The following ZNF385D variants were observed in gnomAD, a reference collection of about 807,000 sequenced individuals.
ZNF385D encodes zinc finger protein 659.
ZNF385D carries 15 observed loss-of-function variants against 35.8 expected under a neutral mutation model. That is an observed-to-expected ratio of 0.42 (90% CI 0.28 to 0.64). The LOEUF (loss-of-function observed/expected upper bound fraction) is 0.64, where lower values mean the gene tolerates loss of function less well. ZNF385D is among the 30% of genes least tolerant of loss of function. The pLI is 0.23. For missense variants in ZNF385D, 474 were observed against 494.6 expected, an observed-to-expected ratio of 0.96 and a Z score of 0.39; for synonymous variants, 212 against 186.8, an observed-to-expected ratio of 1.13 and a Z score of -1.10.
At chr3:21,476,219 C>T (rs1575006634) in intron 4 of ZNF385D, among the ~76,000 whole-genome samples, 1 of 152,096 alleles carries the variant, frequency 6.6e-6, no homozygotes, top group South Asian at 2.1e-4. Flanking sequence ...ATTAAATCCA[C>T]TTTATTGGTG....
chr3:21,955,075 T>C (rs549867230), intron 3 of ZNF385D, among the ~76,000 whole-genome samples: 2 of 152,308 alleles, frequency 1.3e-5, no homozygotes, highest in South Asian at 4.1e-4. Flanking sequence ...CAGATGTTTT[T>C]GTGTTTACTA....
chr3:21,483,272 A>G (rs1704771296), intron 4 of ZNF385D, among the ~76,000 whole-genome samples: 1 of 152,162 alleles, frequency 6.6e-6, no homozygotes, highest in Admixed American at 6.6e-5. Flanking sequence ...TTGTTCACTC[A>G]CCATAATGTC....
intron 3 of ZNF385D, among the ~76,000 whole-genome samples, chr3:22,168,066 T>A (rs1221000942): frequency 1.3e-5 from 2 of 152,208 alleles, no homozygotes; most frequent in African/African-American, 4.8e-5. Flanking sequence ...TTCATTCACA[T>A]TTTTAAATGT....
chr3:22,355,744 A>T (rs1012825916), intron 2 of ZNF385D, among the ~76,000 whole-genome samples: 2 of 152,056 alleles, frequency 1.3e-5, no homozygotes, highest in Admixed American at 6.6e-5. Context: ...TAAATCATCT[A>T]TAGAGTATAA....
intron 3 of ZNF385D, among the ~76,000 whole-genome samples, chr3:22,046,480 T>C (rs1291225056): frequency 1.3e-5 from 2 of 152,150 alleles, no homozygotes; most frequent in African/African-American, 4.8e-5. Flanking sequence ...GACCAAAAAA[T>C]CTACTAGACA....
At chr3:22,125,565 G>T (rs1394252555) in intron 3 of ZNF385D, among the ~76,000 whole-genome samples, 1 of 151,934 alleles carries the variant, frequency 6.6e-6, no homozygotes, top group Non-Finnish European at 1.5e-5. Context: ...CATAAACATA[G>T]ATTATCTTTC....
At chr3:22,107,286 G>C (rs1373294829) in intron 3 of ZNF385D, among the ~76,000 whole-genome samples, 1 of 151,894 alleles carries the variant, frequency 6.6e-6, no homozygotes, top group African/African-American at 2.4e-5. Context: ...GCCTCCCAAA[G>C]TGCTGGGATT....
intron 1 of ZNF385D, among the ~76,000 whole-genome samples, chr3:21,710,071 C>T (rs899336229): frequency 1.3e-5 from 2 of 152,140 alleles, no homozygotes; most frequent in African/African-American, 2.4e-5. Context: ...GCTTCAATTA[C>T]ACGACCTTTT....
Position 22,123,585 on chromosome 3 carries a change from C to G in ZNF385D, c.325+45232G>C, listed in dbSNP as rs181046276. Among the ~76,000 whole-genome samples the G allele has an allele frequency of 7.2e-3, 1,100 of 152,196 alleles. 11 individuals are homozygous for G. The highest frequency in any genetic ancestry group is 0.025 in the African/African-American group (1,057 of 41,540). On this transcript the variant is annotated intron_variant, in intron 3 of 5. Transcript: ENST00000494108. ...AAAAATTATTGCTGACTGGGCCGGG[C>G]GCGGTGGCTGACGCCTTTAATCCCA...
At chr3:21,838,895 A>G (rs1014609032) in intron 3 of ZNF385D, among the ~76,000 whole-genome samples, 1 of 152,112 alleles carries the variant, frequency 6.6e-6, no homozygotes. Flanking sequence ...TAATAATAAC[A>G]CCACAAACTA....
At chr3:21,524,101 T>G (rs1708075320) in intron 3 of ZNF385D, among the ~76,000 whole-genome samples, 1 of 152,200 alleles carries the variant, frequency 6.6e-6, no homozygotes, top group Non-Finnish European at 1.5e-5. Context: ...CCTAGAATGG[T>G]TGATATTCAA....
intron 3 of ZNF385D, among the ~76,000 whole-genome samples, chr3:22,144,342 G>T (rs1704708820): frequency 6.6e-6 from 1 of 152,056 alleles, no homozygotes; most frequent in Non-Finnish European, 1.5e-5. Flanking sequence ...TGGAGGCCAA[G>T]GGTGGCAGAT....
chr3:21,574,652 C>T (rs1334187752), intron 2 of ZNF385D, among the ~76,000 whole-genome samples: 3 of 152,068 alleles, frequency 2.0e-5, no homozygotes, highest in African/African-American at 7.2e-5. Flanking sequence ...CTGAGATGTG[C>T]TTCAAAATCT....
intron 1 of ZNF385D, among the ~76,000 whole-genome samples, chr3:21,714,435 G>C (rs1444465873): frequency 6.6e-6 from 1 of 152,134 alleles, no homozygotes; most frequent in Non-Finnish European, 1.5e-5. Context: ...GGAAACAACA[G>C]AAGATAAGTA....
At chr3:21,898,807 T>C (rs1347246785) in intron 3 of ZNF385D, among the ~76,000 whole-genome samples, 1 of 152,100 alleles carries the variant, frequency 6.6e-6, no homozygotes, top group Non-Finnish European at 1.5e-5. Flanking sequence ...CTACCACGAC[T>C]CTCAGCATCA....
rs930117044 is a variant in ZNF385D at position 21,541,871 on chromosome 3, G to A, written c.276+22703C>T. ...ACTAATACTTTAAGAAGTGTATACA[G>A]TTGTAAAAAGAGATACAAAAAAACT... On this transcript the variant is annotated intron_variant, in intron 3 of 7. Coordinates refer to ENST00000281523, the MANE Select transcript of ZNF385D (RefSeq NM_024697.3). Among the ~76,000 whole-genome samples the A allele has an allele frequency of 3.3e-5, 5 of 152,246 alleles. No individual in the cohort carries two copies. In the East Asian group the frequency reaches 9.6e-4, roughly 29 times the overall value.
At chr3:22,216,234 A>C (rs1697876335) in intron 2 of ZNF385D, among the ~76,000 whole-genome samples, 1 of 152,104 alleles carries the variant, frequency 6.6e-6, no homozygotes, top group Non-Finnish European at 1.5e-5. Flanking sequence ...TTTTATACTC[A>C]AATTTTGTAA....
intron 2 of ZNF385D, among the ~76,000 whole-genome samples, chr3:21,596,887 G>A (rs2064143517): frequency 6.6e-6 from 1 of 152,094 alleles, no homozygotes; most frequent in South Asian, 2.1e-4. Context: ...TAATGGTGGA[G>A]AGGAAAGGAG....
chr3:22,261,726 T>C (rs1700642738), intron 2 of ZNF385D, among the ~76,000 whole-genome samples: 2 of 151,968 alleles, frequency 1.3e-5, no homozygotes, highest in South Asian at 4.1e-4. Context: ...CCGTTTTGCC[T>C]CCAGGTTGTC....
Sources: gnomAD v4.1 joint callset for allele counts (sites outside exome capture counted in the v4.1 genomes callset) on GRCh38, gnomAD v4.1.1 for gene constraint, MANE v1.5 for transcripts, NCBI Gene and HGNC (gene_info 2026-07-23, HGNC 2026-07-21) for gene names.